The following LRRC7 variants were observed in gnomAD, a reference collection of about 807,000 sequenced individuals.
The protein encoded by LRRC7 is leucine rich repeat containing 7.
Under a neutral mutation model 175.7 loss-of-function variants are expected in LRRC7, and 23 were observed. That is an observed-to-expected ratio of 0.13 (90% CI 0.09 to 0.19). The LOEUF (loss-of-function observed/expected upper bound fraction) is 0.19, where lower values mean the gene tolerates loss of function less well. LRRC7 is among the 10% of genes least tolerant of loss of function. The pLI, the probability that LRRC7 is intolerant of heterozygous loss-of-function variation, is 1.00. For missense variants in LRRC7, 1,354 were observed against 1,904.7 expected (o/e 0.71, Z 5.38); for synonymous variants, 685 against 680.9 (o/e 1.01, Z -0.09).
At chr1:69,744,253 T>G (rs1669024106) in intron 2 of LRRC7, among the ~76,000 whole-genome samples, 3 of 151,868 alleles carry the variant, frequency 2.0e-5, no homozygotes. Flanking sequence ...TGCTCTCAAC[T>G]GCAATACACA....
intron 2 of LRRC7, among the ~76,000 whole-genome samples, chr1:69,695,194 A>T (rs575520317): frequency 9.1e-4 from 138 of 152,326 alleles, no homozygotes; most frequent in Non-Finnish European, 1.7e-3. Flanking sequence ...GGGAACTGGT[A>T]TAAAGGTCAC....
At chr1:69,625,872 G>A (rs531425128) in intron 1 of LRRC7, among the ~76,000 whole-genome samples, 7 of 152,018 alleles carry the variant, frequency 4.6e-5, no homozygotes, top group African/African-American at 1.4e-4. Flanking sequence ...GAAGAAACTC[G>A]TATGTTCCAT....
intron 16 of LRRC7, among the ~76,000 whole-genome samples, chr1:70,021,873 C>T (rs1657538969): frequency 1.3e-5 from 2 of 152,136 alleles, no homozygotes. Context: ...TCTTGAATCT[C>T]TCATTTACTT....
At chr1:69,820,049 G>A (rs187282921) in intron 4 of LRRC7, among the ~76,000 whole-genome samples, 430 of 151,880 alleles carry the variant, frequency 2.8e-3, no homozygotes, top group African/African-American at 9.6e-3. Context: ...TGATAGGTAA[G>A]GACTTACTAT....
intron 4 of LRRC7, among the ~76,000 whole-genome samples, chr1:69,819,714 A>T (rs1679045360): frequency 6.6e-6 from 1 of 151,644 alleles, no homozygotes; most frequent in Non-Finnish European, 1.5e-5. Context: ...TGCTTGCTTC[A>T]TATATTTAGG....
intron 1 of LRRC7, among the ~76,000 whole-genome samples, chr1:69,657,525 T>C (rs1656826838): frequency 6.6e-6 from 1 of 151,900 alleles, no homozygotes; most frequent in African/African-American, 2.4e-5. Context: ...GTATCTGAAC[T>C]GCCACAAGTA....
At chr1:70,079,876 C>T (rs1663082633) in intron 24 of LRRC7, among the ~76,000 whole-genome samples, 1 of 152,310 alleles carries the variant, frequency 6.6e-6, no homozygotes, top group African/African-American at 2.4e-5. Flanking sequence ...ACCGGTCCTG[C>T]TTACATATAC....
chr1:69,809,697 G>A (rs778500812), intron 4 of LRRC7, among the ~76,000 whole-genome samples: 4 of 151,946 alleles, frequency 2.6e-5, no homozygotes, highest in Non-Finnish European at 2.9e-5. Context: ...CAATAGATAC[G>A]GAAAAGACCT....
intron 2 of LRRC7, among the ~76,000 whole-genome samples, chr1:69,746,041 G>A (rs1313525491): frequency 1.3e-5 from 2 of 151,660 alleles, no homozygotes; most frequent in African/African-American, 4.8e-5. Flanking sequence ...CATTAGTAAA[G>A]TATCACCCAA....
At chr1:69,597,299 A>G (rs927871035) in intron 1 of LRRC7, among the ~76,000 whole-genome samples, 3 of 149,916 alleles carry the variant, frequency 2.0e-5, no homozygotes, top group African/African-American at 7.3e-5. Flanking sequence ...ATTCTAGCTA[A>G]CCTTGGATGG....
chr1:69,959,545 CTGAGGTGGAGAAGAACAGATTGGTTA>C (rs1178210932), intron 8 of LRRC7, among the ~76,000 whole-genome samples: 19 of 151,974 alleles, frequency 1.3e-4, no homozygotes, highest in Non-Finnish European at 1.9e-4. Flanking sequence ...GAATAAGTTA[CTGAGGTGGAGAAGAACAGATTGGTTA>C]TGAACATAGA....
At chr1:69,674,203 T>C (rs1286744040) in intron 1 of LRRC7, among the ~76,000 whole-genome samples, 1 of 152,126 alleles carries the variant, frequency 6.6e-6, no homozygotes, top group Non-Finnish European at 1.5e-5. Context: ...AAAAATACAT[T>C]ATATATTTGA....
chr1:70,051,455 G>T (rs1362908003), intron 22 of LRRC7, among the ~76,000 whole-genome samples: 2 of 151,906 alleles, frequency 1.3e-5, no homozygotes, highest in Admixed American at 6.6e-5. Flanking sequence ...AGAAAAAATT[G>T]TGTATGGGCA....
chr1:69,856,283 A>G (rs1415981031), intron 7 of LRRC7, among the ~76,000 whole-genome samples: 4 of 152,216 alleles, frequency 2.6e-5, no homozygotes, highest in African/African-American at 9.6e-5. Context: ...TGAAGGAGAT[A>G]GAAACACAAA....
chr1:70,081,774 C>T (rs1046334674), intron 24 of LRRC7, among the ~76,000 whole-genome samples: 27 of 152,286 alleles, frequency 1.8e-4, no homozygotes, highest in Non-Finnish European at 3.1e-4. Flanking sequence ...ACCTCCCTAA[C>T]ATATCAAAAT....
At chr1:69,775,424 G>C (rs745958797) in intron 3 of LRRC7, among the ~76,000 whole-genome samples, 1 of 152,154 alleles carries the variant, frequency 6.6e-6, no homozygotes, top group Non-Finnish European at 1.5e-5. Context: ...CATTCTAGAA[G>C]TGAGTCCAAA....
chr1:70,089,375 A>G (rs1663853995), intron 24 of LRRC7, among the ~76,000 whole-genome samples: 1 of 152,222 alleles, frequency 6.6e-6, no homozygotes, highest in Admixed American at 6.5e-5. Context: ...CAACCTGAAT[A>G]CATGTGCATT....
chr1:69,635,872 T>C lies in LRRC7; in HGVS notation c.3-42509T>C, dbSNP rs189208270. On this transcript the variant is annotated intron_variant, in intron 1 of 26. Transcript: ENST00000651989. ...ATGTCAATATTAATGGCATGAATCA[T>C]AGAAAATCATCTAATAGCAGATATT... 3.3e-5 allele frequency among the ~76,000 whole-genome samples: 5 copies of C among 152,094 alleles called. No individual in the cohort carries two copies. The East Asian group carries it at 9.7e-4, about 29-fold the overall frequency.
At chr1:69,868,702 C>T (rs1195275053) in intron 7 of LRRC7, among the ~76,000 whole-genome samples, 1 of 152,020 alleles carries the variant, frequency 6.6e-6, no homozygotes, top group East Asian at 1.9e-4. Flanking sequence ...CTAGGACTGC[C>T]ATAACAAAGT....
Sources: gnomAD v4.1 joint callset for allele counts (sites outside exome capture counted in the v4.1 genomes callset) on GRCh38, gnomAD v4.1.1 for gene constraint, MANE v1.5 for transcripts, NCBI Gene and HGNC (gene_info 2026-07-23, HGNC 2026-07-21) for gene names.